Variants in ASXL2 observed in about 807,000 individuals in gnomAD.
ASXL2 encodes the protein putative Polycomb group protein ASXL2.
A neutral mutation model predicts 122.0 loss-of-function variants in ASXL2; 23 were observed. The ratio of observed to expected loss-of-function variants is 0.19; its 90% CI spans 0.14 to 0.27. The LOEUF (loss-of-function observed/expected upper bound fraction) is 0.27. Among genes scored for constraint, ASXL2 ranks in the 10% least tolerant of loss-of-function variants. The probability of loss-of-function intolerance (pLI) is 1.00; values close to 1 mark genes in which losing one functional copy is unlikely to be tolerated. For synonymous variants in ASXL2, 650 were observed against 637.0 expected, an observed-to-expected ratio of 1.02 and a Z score of -0.31; for missense variants, 1,518 against 1,713.8, an observed-to-expected ratio of 0.89 and a Z score of 2.02.
chr2:25,771,689 G>A (rs2088459231), intron 5 of ASXL2, 149 bp from the exon 6 acceptor site: 1 of 642,158 alleles, frequency 1.6e-6, no homozygotes, highest in East Asian at 3.0e-5. Flanking sequence ...ACTGCAAACA[G>A]CCTCCCTTTT....
rs1338891020 is a variant in ASXL2, at chr2:25,737,187, T to C, written c.*4842A>G. ...CGGGCAGGAAGGACATGACTGGCTA[T>C]GAAACTCACTTCTGAGAGAACTGGG... On this transcript the variant is annotated 3_prime_UTR_variant, in exon 13 of 13. Transcript: ENST00000435504. The C allele has an allele frequency of 6.6e-6, 1 of 151,882 alleles. No individual in the cohort carries two copies. The highest frequency in any genetic ancestry group is 1.5e-5 in the Non-Finnish European group (1 of 67,972). The allele number at this position is 151,882 out of a possible 1,614,324, so 9.4% of individuals were successfully genotyped here. A position where few individuals can be genotyped will look rare whatever the true frequency, so the allele number is the denominator to read the frequency against.
At chr2:25,787,992 T>C (rs1366168428) in intron 5 of ASXL2, among the ~76,000 whole-genome samples, 3 of 152,130 alleles carry the variant, frequency 2.0e-5, no homozygotes, top group South Asian at 2.1e-4. Flanking sequence ...GCTAAAGTAA[T>C]TAAAACAGGG....
intron 3 of ASXL2, chr2:25,830,770 A>G (rs1409167957): frequency 6.6e-6 from 1 of 152,002 alleles, no homozygotes; most frequent in African/African-American, 2.4e-5. Context: ...TCAAATAGAA[A>G]TATAAAAATA....
At chr2:25,850,328 C>T (rs529412290) in intron 1 of ASXL2, among the ~76,000 whole-genome samples, 24 of 152,304 alleles carry the variant, frequency 1.6e-4, no homozygotes, top group African/African-American at 5.5e-4. Flanking sequence ...CTGCATTTGG[C>T]TAACACATGT....
chr2:25,807,986 T>TACACAC (rs147273836), intron 3 of ASXL2, among the ~76,000 whole-genome samples: 18,855 of 131,634 alleles, frequency 0.14, 1,477 homozygotes, highest in Non-Finnish European at 0.19. Context: ...AATCAGCTTT[T>TACACAC]ACACACACAC....
In ASXL2 at chr2:25,744,724, C is replaced by A. The variant is rs1463119434; in HGVS notation, c.1861-248G>T. On this transcript the variant is annotated intron_variant, in intron 12 of 12. Coordinates refer to ENST00000435504, the MANE Select transcript of ASXL2 (RefSeq NM_018263.6). This position sits in a 1 kb window ranked among gnomAD's most constrained non-coding sequence, Gnocchi z 4.7. ...TCCACTCTCACCCCAAATCCCCACA[C>A]CTCTTTTCCTATCTCAACTCCCTCC... Among the ~76,000 whole-genome samples the A allele has an allele frequency of 3.3e-5, 5 of 152,312 alleles. No homozygotes were observed. The East Asian group carries it at 9.6e-4, about 29-fold the overall frequency.
At chr2:25,788,854 G>A (rs904109636) in intron 5 of ASXL2, among the ~76,000 whole-genome samples, 2 of 151,694 alleles carry the variant, frequency 1.3e-5, no homozygotes, top group Non-Finnish European at 2.9e-5. Context: ...TAACTTCTCT[G>A]TGGCTTGCCT....
chr2:25,784,294 T>G (rs1249875970), intron 5 of ASXL2, among the ~76,000 whole-genome samples: 7 of 152,022 alleles, frequency 4.6e-5, no homozygotes, highest in Admixed American at 4.6e-4. Flanking sequence ...CACCAAACCC[T>G]TGTATATGTA....
chr2:25,836,725 T>C (rs1260981538), intron 2 of ASXL2, among the ~76,000 whole-genome samples: 2 of 152,308 alleles, frequency 1.3e-5, no homozygotes, highest in South Asian at 2.1e-4. Context: ...ACTCATTCAT[T>C]AGCTATATAA....
chr2:25,741,304 G>A lies in ASXL2; in HGVS notation c.*725C>T, dbSNP rs867873811. The A allele has an allele frequency of 1.8e-5, 4 of 222,990 alleles. No homozygotes were observed. The highest frequency in any genetic ancestry group is 8.9e-5 in the African/African-American group (4 of 44,768). 13.8% of individuals were successfully genotyped at this position (222,990 alleles called of 1,614,324 possible). A position where few individuals can be genotyped will look rare whatever the true frequency, so the allele number is the denominator to read the frequency against. On this transcript the variant is annotated 3_prime_UTR_variant, in exon 13 of 13. Coordinates refer to ENST00000435504, the MANE Select transcript of ASXL2 (RefSeq NM_018263.6). Reference sequence around the variant, plus strand: ...TACATTCACTGTCTCAGGGCAGGGGGTGGGATTAGGGAACAGCAGGGATCC... The same window carrying A: ...TACATTCACTGTCTCAGGGCAGGGGATGGGATTAGGGAACAGCAGGGATCC...
intron 5 of ASXL2, among the ~76,000 whole-genome samples, chr2:25,778,527 T>C (rs771598417): frequency 2.6e-5 from 4 of 152,200 alleles, no homozygotes; most frequent in Non-Finnish European, 4.4e-5. Context: ...AACCTGCAAC[T>C]TCAGAAAACT....
At chr2:25,843,814 T>TAAAAACAAAAA (rs753657707) in intron 2 of ASXL2, among the ~76,000 whole-genome samples, 1 of 86,546 alleles carries the variant, frequency 1.2e-5, no homozygotes, top group African/African-American at 4.7e-5. Context: ...CTCCATCTCT[T>TAAAAACAAAAA]AAAAAAAAAA....
At chr2:25,791,282 T>C (rs901396030) in intron 5 of ASXL2, among the ~76,000 whole-genome samples, 3 of 151,454 alleles carry the variant, frequency 2.0e-5, no homozygotes, top group Non-Finnish European at 4.4e-5. Flanking sequence ...AGGTCAGGAG[T>C]TCGAGACCAG....
intron 1 of ASXL2, among the ~76,000 whole-genome samples, chr2:25,854,630 A>G (rs1389888109): frequency 6.6e-6 from 1 of 152,188 alleles, no homozygotes; most frequent in Non-Finnish European, 1.5e-5. Flanking sequence ...TTCCACATCT[A>G]ATGATAAAAG....
chr2:25,867,418 G>C (rs2089918394), intron 1 of ASXL2, among the ~76,000 whole-genome samples: 1 of 151,952 alleles, frequency 6.6e-6, no homozygotes, highest in African/African-American at 2.4e-5. Context: ...GACCAGCCTG[G>C]GCAACACAGG....
chr2:25,858,444 G>T (rs546400411), intron 1 of ASXL2, among the ~76,000 whole-genome samples: 1 of 151,450 alleles, frequency 6.6e-6, no homozygotes, highest in African/African-American at 2.4e-5. Context: ...TTTTTTTTTG[G>T]ACAGGCACAA....
chr2:25,787,251 T>C (rs187616628), intron 5 of ASXL2, among the ~76,000 whole-genome samples: 5 of 152,302 alleles, frequency 3.3e-5, no homozygotes, highest in Admixed American at 3.3e-4. Context: ...AGAGCAACCA[T>C]GAGATGAGGC....
rs34006530 is a variant in ASXL2, at chr2:25,811,055, TACACACACAC to T, written c.144-4728_144-4719del. 4.3e-3 allele frequency among the ~76,000 whole-genome samples: 496 copies of T among 116,432 alleles called. 3 individuals are homozygous for T. The highest frequency in any genetic ancestry group is 0.014 in the African/African-American group (412 of 30,154). The allele number at this position is 116,432 out of a possible 152,430, so 76.4% of individuals were successfully genotyped here. A position where few individuals can be genotyped will look rare whatever the true frequency, so the allele number is the denominator to read the frequency against. On this transcript the variant is annotated intron_variant, in intron 3 of 12. Transcript: ENST00000435504. ...CCTGTCTCTACAAAAAATACAAAAA[TACACACACAC>T]ACACACACACACACACACACACACA...
chr2:25,758,253 G>A (rs891712204), intron 9 of ASXL2, among the ~76,000 whole-genome samples: 30 of 152,198 alleles, frequency 2.0e-4, no homozygotes, highest in Admixed American at 3.3e-4. Flanking sequence ...TTTTATTTCA[G>A]TAAGTCAATT....
Sources: gnomAD v4.1 joint callset for allele counts (sites outside exome capture counted in the v4.1 genomes callset) on GRCh38, gnomAD v4.1.1 for gene constraint, Gnocchi (gnomAD v3.1) non-coding constraint, MANE v1.5 for transcripts, NCBI Gene and HGNC (gene_info 2026-07-23, HGNC 2026-07-21) for gene names.